SOX6: variants seen among roughly 807,000 people sequenced by gnomAD.
SOX6 encodes SRY-box transcription factor 6.
Under a neutral mutation model 97.8 loss-of-function variants are expected in SOX6, and 11 were observed. The ratio of observed to expected loss-of-function variants is 0.11; its 90% CI spans 0.07 to 0.19. The LOEUF (loss-of-function observed/expected upper bound fraction) is 0.19, where lower values mean the gene tolerates loss of function less well. SOX6 is among the 10% of genes least tolerant of loss of function. The probability of loss-of-function intolerance (pLI) is 1.00; values close to 1 mark genes in which losing one functional copy is unlikely to be tolerated. For missense variants in SOX6, 810 were observed against 1,039.5 expected, an observed-to-expected ratio of 0.78 and a Z score of 3.04; for synonymous variants, 360 against 371.4, an observed-to-expected ratio of 0.97 and a Z score of 0.35.
At chr11:16,484,029 G>A in intron 4 of SOX6, 1 of 806,154 alleles carries the variant, frequency 1.2e-6, no homozygotes, top group Non-Finnish European at 2.2e-6. Flanking sequence ...CTTGGCCCAG[G>A]GCCTGTCGGG....
intron 3 of SOX6, among the ~76,000 whole-genome samples, chr11:16,249,659 T>C (rs913532428): frequency 6.6e-6 from 1 of 152,182 alleles, no homozygotes; most frequent in Non-Finnish European, 1.5e-5. Context: ...GTACCAGTAA[T>C]AAATTTACCA....
chr11:16,667,305 T>A (rs1847814551), intron 3 of SOX6, among the ~76,000 whole-genome samples: 1 of 151,954 alleles, frequency 6.6e-6, no homozygotes, highest in Non-Finnish European at 1.5e-5. Flanking sequence ...TATATCAATA[T>A]TGAAATACAA....
intron 3 of SOX6, among the ~76,000 whole-genome samples, chr11:16,622,335 T>C (rs1014423445): frequency 3.3e-5 from 5 of 152,242 alleles, no homozygotes; most frequent in Non-Finnish European, 7.3e-5. Context: ...ATAAGTTCTT[T>C]AGTGGTGATT....
At chr11:16,535,330 A>G (rs1861291436) in intron 4 of SOX6, among the ~76,000 whole-genome samples, 1 of 152,232 alleles carries the variant, frequency 6.6e-6, no homozygotes. Flanking sequence ...TGCCCCAAAA[A>G]TCAAATAAGC....
chr11:16,311,449 C>A (rs542632397), intron 3 of SOX6: 1 of 152,238 alleles, frequency 6.6e-6, no homozygotes, highest in South Asian at 2.1e-4. Context: ...CAAAGTCACA[C>A]AACCAGGAAA....
chr11:16,369,278 C>G (rs1215221616), intron 1 of SOX6, among the ~76,000 whole-genome samples: 1 of 152,102 alleles, frequency 6.6e-6, no homozygotes, highest in Non-Finnish European at 1.5e-5. Context: ...CCTCAAATGT[C>G]ATATTCTCAA....
At chr11:16,359,554 G>A (rs1364698462), upstream of SOX6, among the ~76,000 whole-genome samples, 1 of 151,996 alleles carries the variant, frequency 6.6e-6, no homozygotes, top group African/African-American at 2.4e-5. Context: ...GTATTTATCT[G>A]TGCCTACCTG....
intron 2 of SOX6, among the ~76,000 whole-genome samples, chr11:16,715,926 T>C (rs1197636620): frequency 1.3e-5 from 2 of 152,116 alleles, no homozygotes; most frequent in Non-Finnish European, 2.9e-5. Context: ...AATAGTACTA[T>C]AATATTTTTT....
chr11:16,297,767 G>T (rs1590103585), intron 3 of SOX6, among the ~76,000 whole-genome samples: 1 of 152,158 alleles, frequency 6.6e-6, no homozygotes, highest in Non-Finnish European at 1.5e-5. Flanking sequence ...GGACAGAATA[G>T]ACTCAACATT....
intron 3 of SOX6, among the ~76,000 whole-genome samples, chr11:16,642,815 C>A (rs1163922025): frequency 1.3e-5 from 2 of 152,178 alleles, no homozygotes; most frequent in Non-Finnish European, 2.9e-5. Flanking sequence ...AGCCATTCAT[C>A]TAATCTTTTT....
chr11:16,382,667 G>C (rs894617023), intron 1 of SOX6, among the ~76,000 whole-genome samples: 2 of 151,924 alleles, frequency 1.3e-5, no homozygotes, highest in African/African-American at 4.8e-5. Flanking sequence ...AAGGTAAAGA[G>C]ATGCTATATT....
intron 1 of SOX6, among the ~76,000 whole-genome samples, chr11:16,343,987 A>G (rs1856710784): frequency 6.6e-6 from 1 of 152,106 alleles, no homozygotes; most frequent in African/African-American, 2.4e-5. Context: ...CAGGGGAGGT[A>G]GGACAACAAC....
chr11:16,287,942 T>C (rs543253984), intron 3 of SOX6, among the ~76,000 whole-genome samples: 19 of 152,246 alleles, frequency 1.2e-4, no homozygotes, highest in African/African-American at 4.3e-4. Flanking sequence ...ATATTTAAGC[T>C]CACATACATT....
At chr11:16,477,691 G>GT (rs1190666483), upstream of SOX6, among the ~76,000 whole-genome samples, 5 of 151,738 alleles carry the variant, frequency 3.3e-5, no homozygotes, top group Non-Finnish European at 7.4e-5. Context: ...TCTAAAAAAA[G>GT]TTTTTTTTTA....
At chr11:16,302,679 C>A (rs1316297999) in intron 3 of SOX6, among the ~76,000 whole-genome samples, 1 of 146,542 alleles carries the variant, frequency 6.8e-6, no homozygotes, top group Non-Finnish European at 1.5e-5. Flanking sequence ...ACGTGATTCT[C>A]CTGCCACAGC....
At position 16,656,316 on chromosome 11, in the gene SOX6, T is replaced by A. The variant is rs190431608; in HGVS notation, n.430-44056A>T. Among the ~76,000 whole-genome samples, 139 of 152,270 alleles carry A rather than the reference T, an allele frequency of 9.1e-4. 2 individuals are homozygous for A. Among genetic ancestry groups the A allele is most frequent in the African/African-American group, 3.1e-3 (128 of 41,572 alleles). ...TGGTCTCAATCTCCTGACCTCATGA[T>A]CCGCCCACCTCGGCCTCCCAAAGTG... is the stretch of plus-strand genomic sequence containing the variant. On this transcript the variant is annotated intron_variant and non_coding_transcript_variant, in intron 3 of 5. Transcript: ENST00000524520.
At chr11:16,603,989 G>A (rs1259487926) in intron 4 of SOX6, among the ~76,000 whole-genome samples, 1 of 152,242 alleles carries the variant, frequency 6.6e-6, no homozygotes. Context: ...CGGGGACGAG[G>A]TGCTGAGTGC....
rs992731249 is a variant in SOX6, at chr11:16,347,431, T to C, written c.-4-6179A>G. On this transcript the variant is annotated intron_variant, in intron 1 of 15. Transcript: ENST00000683767. ...GAGTAAAACCTAACAATGGCTACTATAAATATACACTAACTTAGAGGATTT... is the reference window on the plus strand; with the variant it reads ...GAGTAAAACCTAACAATGGCTACTACAAATATACACTAACTTAGAGGATTT... Among the ~76,000 whole-genome samples, 5 of 152,258 alleles carry C rather than the reference T, an allele frequency of 3.3e-5. No homozygotes were observed. The South Asian group carries it at 6.2e-4, about 19-fold the overall frequency.
chr11:16,713,278 A>G (rs778937941), intron 3 of SOX6, among the ~76,000 whole-genome samples: 1 of 152,244 alleles, frequency 6.6e-6, no homozygotes, highest in Non-Finnish European at 1.5e-5. Context: ...AAATACAATT[A>G]TAACAGTAGA....
Sources: allele counts gnomAD v4.1 joint callset (sites outside exome capture counted in the v4.1 genomes callset), GRCh38; gene constraint gnomAD v4.1.1; transcripts MANE v1.5; gene names NCBI Gene and HGNC (gene_info 2026-07-23, HGNC 2026-07-21).